ANKRD28: variants seen among roughly 807,000 people sequenced by gnomAD.
ANKRD28 encodes the protein ankyrin repeat domain 28.
Under a neutral mutation model 126.5 loss-of-function variants are expected in ANKRD28, and 44 were observed. That is an observed-to-expected ratio of 0.35 (90% CI 0.27 to 0.45). The LOEUF (loss-of-function observed/expected upper bound fraction) is 0.45, where lower values mean the gene tolerates loss of function less well. Ranked by LOEUF, ANKRD28 falls within the 20% of genes least tolerant of loss-of-function variation. The probability of loss-of-function intolerance (pLI) is 1.00; values close to 1 mark genes in which losing one functional copy is unlikely to be tolerated. For missense variants in ANKRD28, 1,110 were observed against 1,316.6 expected (o/e 0.84, Z 2.43); for synonymous variants, 442 against 468.5 (o/e 0.94, Z 0.73).
At chr3:15,791,397 G>A (rs928807373) in intron 2 of ANKRD28, among the ~76,000 whole-genome samples, 3 of 151,484 alleles carry the variant, frequency 2.0e-5, no homozygotes, top group Non-Finnish European at 4.4e-5. Context: ...AAACAGCATG[G>A]TACTGTCACA....
At chr3:15,739,117 C>T (rs1024048392) in intron 4 of ANKRD28, among the ~76,000 whole-genome samples, 5 of 152,192 alleles carry the variant, frequency 3.3e-5, no homozygotes, top group Middle Eastern at 3.4e-3. Flanking sequence ...GATTTCATAT[C>T]GTTCAAACAA....
In ANKRD28 at chr3:15,812,165, AAAACAAAACG is replaced by A. The variant is rs142876410; in HGVS notation, c.28-16869_28-16860del. ...GAGACTCTGGCAAACAAAACAAAAC[AAAACAAAACG>A]AAACCCAAAACAACAATAAAATGTT... On this transcript the variant is annotated intron_variant, in intron 1 of 27. Coordinates refer to the ANKRD28 transcript ENST00000399451. The surrounding 1 kb of genome is among the most constrained non-coding windows in gnomAD (Gnocchi z 4.1). 0.097 allele frequency among the ~76,000 whole-genome samples: 14,782 copies of A among 151,742 alleles called. 1,592 individuals are homozygous for A. Among genetic ancestry groups the A allele is most frequent in the East Asian group, 0.56 (2,846 of 5,120 alleles).
intron 3 of ANKRD28, among the ~76,000 whole-genome samples, chr3:15,761,846 C>A (rs2058472675): frequency 6.6e-6 from 1 of 151,798 alleles, no homozygotes; most frequent in Non-Finnish European, 1.5e-5. Context: ...AAGAAATATC[C>A]ACCAATCAAA....
chr3:15,694,657 T>C (rs1226013458), intron 17 of ANKRD28, 82 bp downstream of exon 17: 2 of 1,184,204 alleles, frequency 1.7e-6, no homozygotes, highest in Non-Finnish European at 2.5e-6. Context: ...TTTATGGTAC[T>C]AGTTTGAGTC....
Position 15,824,045 on chromosome 3 carries a change from C to T in ANKRD28, c.28-28739G>A, listed in dbSNP as rs575471248. On this transcript the variant is annotated intron_variant, in intron 1 of 27. Coordinates refer to the ANKRD28 transcript ENST00000399451. ...ACCACTTTTATTCAACACTGTTCTA[C>T]AAGTTTTAACTAGATCAACTAGGTA... Among the ~76,000 whole-genome samples the T allele has an allele frequency of 6.6e-5, 10 of 152,276 alleles. No individual in the cohort carries two copies. In the East Asian group the frequency reaches 1.9e-3, roughly 29 times the overall value.
intron 3 of ANKRD28, among the ~76,000 whole-genome samples, chr3:15,756,010 T>A (rs1471957343): frequency 6.6e-6 from 1 of 152,252 alleles, no homozygotes; most frequent in Non-Finnish European, 1.5e-5. Flanking sequence ...AAAACTTACA[T>A]GCCAGAAGCA....
Position 15,735,458 on chromosome 3 carries a change from C to T in ANKRD28, c.592G>A (p.Ala198Thr). Residue 198 changes from alanine (A) to threonine (T), a missense_variant, in exon 6 of 28, where the codon GCT becomes ACT. Coordinates refer to ENST00000683139, the MANE Select transcript of ANKRD28 (RefSeq NM_001349278.2). ...LLLSRGANIN[A>T]FDKKDRRAIH... is the part of the protein sequence containing the mutation. ...GCACGCCTATCTTTCTTGTCAAAAGCATTAATATTGGCACCTCTAGACAAG... is the reference window on the plus strand; with the variant it reads ...GCACGCCTATCTTTCTTGTCAAAAGTATTAATATTGGCACCTCTAGACAAG... 6.4e-7 allele frequency: 1 copy of T among 1,560,414 alleles called. No individual in the cohort carries two copies. The highest frequency in any genetic ancestry group is 8.7e-7 in the Non-Finnish European group (1 of 1,150,980).
At chr3:15,844,106 C>T (rs2061482133) in intron 1 of ANKRD28, among the ~76,000 whole-genome samples, 1 of 152,036 alleles carries the variant, frequency 6.6e-6, no homozygotes, top group South Asian at 2.1e-4. Context: ...TCAAATAGCC[C>T]AGAATAATGC....
chr3:15,721,436 G>A (rs1423164818), intron 7 of ANKRD28, among the ~76,000 whole-genome samples: 1 of 152,012 alleles, frequency 6.6e-6, no homozygotes, highest in Non-Finnish European at 1.5e-5. Flanking sequence ...ATTTTTAAAG[G>A]CGTTCTAGGT....
intron 2 of ANKRD28, among the ~76,000 whole-genome samples, chr3:15,780,626 C>T (rs768054566): frequency 5.3e-5 from 8 of 151,786 alleles, no homozygotes; most frequent in African/African-American, 1.5e-4. Context: ...CAATAACCAG[C>T]GAAAAAAACA....
intron 1 of ANKRD28, among the ~76,000 whole-genome samples, chr3:15,803,605 G>A (rs1196907943): frequency 7.2e-6 from 1 of 138,052 alleles, no homozygotes; most frequent in African/African-American, 2.9e-5. Context: ...GACAGAGCGA[G>A]ACTCCATTTA....
chr3:15,770,892 G>A (rs2058966114), intron 2 of ANKRD28, among the ~76,000 whole-genome samples: 1 of 152,186 alleles, frequency 6.6e-6, no homozygotes, highest in South Asian at 2.1e-4. Flanking sequence ...GAGTGTCTTA[G>A]AGAAGGAGAG....
At chr3:15,735,751 T>C (rs1476928848) in intron 5 of ANKRD28, among the ~76,000 whole-genome samples, 2 of 152,224 alleles carry the variant, frequency 1.3e-5, no homozygotes, top group Non-Finnish European at 2.9e-5. Context: ...TGGTATTTTA[T>C]GAACTAAGTA....
Position 15,789,780 on chromosome 3 carries a change from T to A in ANKRD28, c.201+5443A>T, listed in dbSNP as rs115624128. Among the ~76,000 whole-genome samples the A allele has an allele frequency of 4.8e-3, 723 of 152,054 alleles. 3 individuals are homozygous for A. Among genetic ancestry groups the A allele is most frequent in the African/African-American group, 0.016 (685 of 41,530 alleles). ...AGACTTCATGTCATACCAAATAATA[T>A]GAATATATAATTTTTTAAAATTAAA... On this transcript the variant is annotated intron_variant, in intron 2 of 27. Transcript: ENST00000683139.
At chr3:15,806,063 C>A (rs1428016758) in intron 1 of ANKRD28, among the ~76,000 whole-genome samples, 1 of 152,088 alleles carries the variant, frequency 6.6e-6, no homozygotes, top group African/African-American at 2.4e-5. Flanking sequence ...AGTTTTAGTT[C>A]CTTTTATCAA....
chr3:15,836,575 TCTAC>T (rs1331104982), intron 1 of ANKRD28, among the ~76,000 whole-genome samples: 1 of 152,152 alleles, frequency 6.6e-6, no homozygotes, highest in East Asian at 1.9e-4. Flanking sequence ...TTGTATGCTG[TCTAC>T]CTAACACTTT....
rs1404548931 is a variant in ANKRD28 at position 15,838,773 on chromosome 3, G to A, written c.27+20604C>T. Among the ~76,000 whole-genome samples, 3 of 151,664 alleles carry A rather than the reference G, an allele frequency of 2.0e-5. No homozygotes were observed. Among genetic ancestry groups the A allele is most frequent in the Non-Finnish European group, 2.9e-5 (2 of 67,926 alleles). ...CAAAAAAAAAAAAAAATCTTCGCAAGAGAAGTTAAAACGTGTCCATACACA... is the reference window on the plus strand; with the variant it reads ...CAAAAAAAAAAAAAAATCTTCGCAAAAGAAGTTAAAACGTGTCCATACACA... On this transcript the variant is annotated intron_variant, in intron 1 of 27. Transcript: ENST00000399451. The surrounding 1 kb of genome is among the most constrained non-coding windows in gnomAD (Gnocchi z 4.0).
rs1553650054 is a variant in ANKRD28 at position 15,850,204 on chromosome 3, A to ATATAT, written c.27+9172_27+9173insATATA. On this transcript the variant is annotated intron_variant, in intron 1 of 27. Coordinates refer to the ANKRD28 transcript ENST00000399451. ...TCTACATGCAATAAAAAAAAAAAAA[A>ATATAT]ATATATATATATATATATATAGAGA... is the stretch of plus-strand genomic sequence containing the variant. Among the ~76,000 whole-genome samples the ATATAT allele has an allele frequency of 1.8e-3, 99 of 54,808 alleles. 2 individuals are homozygous for ATATAT. Among genetic ancestry groups the ATATAT allele is most frequent in the African/African-American group, 3.5e-3 (60 of 16,918 alleles). 36.0% of individuals were successfully genotyped at this position (54,808 alleles called of 152,430 possible).
intron 1 of ANKRD28, among the ~76,000 whole-genome samples, chr3:15,803,128 G>A (rs2060498109): frequency 6.6e-6 from 1 of 152,144 alleles, no homozygotes; most frequent in Non-Finnish European, 1.5e-5. Flanking sequence ...TTCATCAATT[G>A]AGAACTCATT....
Sources: allele counts gnomAD v4.1 joint callset (sites outside exome capture counted in the v4.1 genomes callset), GRCh38; gene constraint gnomAD v4.1.1; non-coding constraint Gnocchi (gnomAD v3.1); transcripts MANE v1.5; gene names NCBI Gene and HGNC (gene_info 2026-07-23, HGNC 2026-07-21).